ANKS1B: variants seen among roughly 807,000 people sequenced by gnomAD.
ANKS1B encodes the protein ankyrin repeat and sterile alpha motif domain containing 1B, also known as ankyrin repeat and sterile alpha motif domain-containing protein 1B.
A neutral mutation model predicts 148.3 loss-of-function variants in ANKS1B; 36 were observed. The observed-to-expected ratio is 0.24, with a 90% confidence interval of 0.19 to 0.32. ANKS1B has a LOEUF of 0.32. ANKS1B is among the 10% of genes least tolerant of loss of function. ANKS1B has a pLI of 1.00. For missense variants in ANKS1B, 1,157 were observed against 1,542.6 expected (o/e 0.75, Z 4.19); for synonymous variants, 542 against 560.8 (o/e 0.97, Z 0.47).
chr12:99,662,716 G>C (rs150808688), intron 8 of ANKS1B, among the ~76,000 whole-genome samples: 129 of 152,060 alleles, frequency 8.5e-4, no homozygotes, highest in Middle Eastern at 3.4e-3. Context: ...ACAACCATTG[G>C]TGCACAATTT....
At chr12:99,596,891 G>C (rs1289988612) in intron 9 of ANKS1B, among the ~76,000 whole-genome samples, 1 of 151,926 alleles carries the variant, frequency 6.6e-6, no homozygotes, top group Non-Finnish European at 1.5e-5. Context: ...GGACCGAGGA[G>C]ACCAGGAGAG....
intron 11 of ANKS1B, among the ~76,000 whole-genome samples, chr12:99,440,807 A>G (rs1450420564): frequency 6.6e-6 from 1 of 151,888 alleles, no homozygotes; most frequent in East Asian, 1.9e-4. Context: ...AGGTAGAGTT[A>G]CAAGAAAATA....
intron 9 of ANKS1B, among the ~76,000 whole-genome samples, chr12:99,537,884 G>T (rs537982649): frequency 2.0e-5 from 3 of 152,172 alleles, no homozygotes; most frequent in South Asian, 4.1e-4. Flanking sequence ...TAGTTTCATG[G>T]TTTGAGGGAT....
chr12:99,954,603 AT>A (rs1487607610), intron 1 of ANKS1B, among the ~76,000 whole-genome samples: 2 of 152,138 alleles, frequency 1.3e-5, no homozygotes, highest in East Asian at 3.9e-4. Context: ...GGAGCCATTC[AT>A]TATCACTGTT....
intron 1 of ANKS1B, among the ~76,000 whole-genome samples, chr12:99,937,389 C>G (rs1048763472): frequency 5.9e-5 from 9 of 152,182 alleles, no homozygotes; most frequent in Admixed American, 1.3e-4. Flanking sequence ...TAAGTATACA[C>G]ATAATTAATA....
At chr12:98,825,451 T>C (rs1184518981) in intron 19 of ANKS1B, among the ~76,000 whole-genome samples, 1 of 152,218 alleles carries the variant, frequency 6.6e-6, no homozygotes, top group Admixed American at 6.5e-5. Flanking sequence ...TTTTTAAATC[T>C]TAGGCAAGAG....
At chr12:99,224,567 G>A (rs987870016) in intron 14 of ANKS1B, among the ~76,000 whole-genome samples, 2 of 151,958 alleles carry the variant, frequency 1.3e-5, no homozygotes, top group Non-Finnish European at 2.9e-5. Flanking sequence ...TTTGCCTTCC[G>A]TCATGAGTAA....
At chr12:98,808,792 A>G (rs577084922) in intron 19 of ANKS1B, among the ~76,000 whole-genome samples, 32 of 152,302 alleles carry the variant, frequency 2.1e-4, no homozygotes, top group Middle Eastern at 3.4e-3. Context: ...CATCATTCTA[A>G]AAGACACTGT....
intron 1 of ANKS1B, among the ~76,000 whole-genome samples, chr12:99,828,854 A>T (rs2083535955): frequency 1.3e-5 from 2 of 151,992 alleles, no homozygotes; most frequent in Admixed American, 1.3e-4. Context: ...GTGGTGGCGC[A>T]CGCCTGTAGT....
At chr12:99,949,655 A>G (rs980955200) in intron 1 of ANKS1B, among the ~76,000 whole-genome samples, 1 of 152,186 alleles carries the variant, frequency 6.6e-6, no homozygotes, top group African/African-American at 2.4e-5. Flanking sequence ...AGCCAAGTCC[A>G]AAAACTAAGC....
intron 12 of ANKS1B, among the ~76,000 whole-genome samples, chr12:99,363,941 AAG>A (rs1043899005): frequency 6.6e-6 from 1 of 152,112 alleles, no homozygotes; most frequent in Non-Finnish European, 1.5e-5. Context: ...TTGTATATAT[AAG>A]AGGAAAACTA....
At chr12:98,769,870 C>T (rs980461806) in intron 25 of ANKS1B, among the ~76,000 whole-genome samples, 4 of 152,168 alleles carry the variant, frequency 2.6e-5, no homozygotes, top group Non-Finnish European at 4.4e-5. Flanking sequence ...AATGCAAACA[C>T]GGTCTAGAGG....
rs112860386 is a variant in ANKS1B, at chr12:99,450,178, C to T, written c.1439-6369G>A. Among the ~76,000 whole-genome samples, 1,196 of 152,230 alleles carry T rather than the reference C, an allele frequency of 7.9e-3. 11 individuals carry two copies. Among genetic ancestry groups the T allele is most frequent in the Non-Finnish European group, 0.012 (846 of 68,004 alleles). On this transcript the variant is annotated intron_variant, in intron 10 of 26. Transcript: ENST00000683438. The stretch of plus-strand genomic sequence containing the variant: ...CCAAGTCTGGAGGCCTGGAAAAAAA[C>T]AGTGTTCCAGCTCAAGAGGTCAGGC...
At chr12:99,257,592 T>C (rs922730674) in intron 12 of ANKS1B, among the ~76,000 whole-genome samples, 2 of 152,192 alleles carry the variant, frequency 1.3e-5, no homozygotes, top group African/African-American at 4.8e-5. Flanking sequence ...TGTTTATATA[T>C]AGTGGTTCTA....
At chr12:99,538,150 G>A (rs918939789) in intron 9 of ANKS1B, among the ~76,000 whole-genome samples, 4 of 151,976 alleles carry the variant, frequency 2.6e-5, no homozygotes, top group Admixed American at 1.3e-4. Flanking sequence ...TACTGTTTTG[G>A]TTATTGTAGC....
intron 8 of ANKS1B, among the ~76,000 whole-genome samples, chr12:99,670,856 GTC>G (rs767042517): frequency 1.1e-4 from 17 of 152,106 alleles, no homozygotes; most frequent in Non-Finnish European, 2.4e-4. Context: ...TGCTTGCTGT[GTC>G]TGGCAAATGA....
chr12:99,707,989 C>T (rs1343248273), intron 8 of ANKS1B, among the ~76,000 whole-genome samples: 1 of 152,094 alleles, frequency 6.6e-6, no homozygotes, highest in African/African-American at 2.4e-5. Context: ...CTGAGACAAA[C>T]TGTCACTTAT....
At chr12:99,490,408 T>C (rs1012499381) in intron 10 of ANKS1B, among the ~76,000 whole-genome samples, 2 of 152,270 alleles carry the variant, frequency 1.3e-5, no homozygotes, top group Non-Finnish European at 1.5e-5. Flanking sequence ...ATGATAAATG[T>C]GATGAAATCA....
rs183908962 is a variant in ANKS1B at position 99,461,133 on chromosome 12, C to T, written c.1439-17324G>A. 3.7e-3 allele frequency among the ~76,000 whole-genome samples: 561 copies of T among 151,724 alleles called. 2 individuals are homozygous for T. The highest frequency in any genetic ancestry group is 0.013 in the African/African-American group (542 of 41,238). On this transcript the variant is annotated intron_variant, in intron 10 of 26. Coordinates refer to ENST00000683438, the MANE Select transcript of ANKS1B (RefSeq NM_001352186.2). ...AACAAAATAATGGCATTTGCAGCAACCTGGATAGAACTGGTGACCATTATT... is the reference window on the plus strand; with the variant it reads ...AACAAAATAATGGCATTTGCAGCAATCTGGATAGAACTGGTGACCATTATT...
Sources: allele counts gnomAD v4.1 joint callset (sites outside exome capture counted in the v4.1 genomes callset), GRCh38; gene constraint gnomAD v4.1.1; transcripts MANE v1.5; gene names NCBI Gene and HGNC (gene_info 2026-07-23, HGNC 2026-07-21).